The following BLVRB variants were observed in gnomAD, a reference collection of about 807,000 sequenced individuals.
BLVRB encodes biliverdin reductase B, also known as flavin reductase (NADPH).
A neutral mutation model predicts 21.1 loss-of-function variants in BLVRB; 25 were observed. That is an observed-to-expected ratio of 1.19 (90% CI 0.86 to 1.66). The LOEUF is 1.66. Ranked by LOEUF, BLVRB falls within the 40% of genes most tolerant of loss-of-function variation. The pLI, the probability that BLVRB is intolerant of heterozygous loss-of-function variation, is 0.00. For synonymous variants in BLVRB, 128 were observed against 122.2 expected (o/e 1.05, Z -0.31); for missense variants, 274 against 282.7 (o/e 0.97, Z 0.22).
In BLVRB at chr19:40,456,508, T is replaced by G. The variant is rs559473991; in HGVS notation, c.334+1647A>C. On this transcript the variant is annotated intron_variant, in intron 3 of 4. Transcript: ENST00000263368. Reference sequence around the variant, plus strand: ...AGAAAACAATCTAAACAAAAAAAAATGAGAAAAAAGAAAGCAAATTAAATC... The same window carrying G: ...AGAAAACAATCTAAACAAAAAAAAAGGAGAAAAAAGAAAGCAAATTAAATC... Among the ~76,000 whole-genome samples the G allele has an allele frequency of 2.7e-5, 4 of 150,528 alleles. No homozygotes were observed. In the South Asian group the frequency reaches 8.4e-4, roughly 32 times the overall value.
chr19:40,460,928 T>C (rs946428914), intron 1 of BLVRB, among the ~76,000 whole-genome samples: 7 of 152,170 alleles, frequency 4.6e-5, no homozygotes, highest in Non-Finnish European at 7.3e-5. Context: ...GCTGAGATTG[T>C]GCCATTGCAC....
intron 3 of BLVRB, among the ~76,000 whole-genome samples, chr19:40,452,374 G>A (rs1274717837): frequency 1.3e-5 from 2 of 152,116 alleles, no homozygotes; most frequent in East Asian, 1.9e-4. Context: ...GGACAGTGGC[G>A]TGAACACGGC....
At chr19:40,451,867 C>T (rs2079741683) in intron 3 of BLVRB, among the ~76,000 whole-genome samples, 1 of 152,158 alleles carries the variant, frequency 6.6e-6, no homozygotes, top group Admixed American at 6.5e-5. Flanking sequence ...GGACAAAACC[C>T]TGCCATGGCT....
Position 40,458,456 on chromosome 19 carries a change from GC to G in BLVRB, c.168del (p.Gln57ArgfsTer30), listed in dbSNP as rs748449923. On this transcript the variant is annotated frameshift_variant, in exon 2 of 5. Coordinates refer to ENST00000263368, the MANE Select transcript of BLVRB (RefSeq NM_000713.3). LOFTEE classifies it high-confidence loss of function. ...ACGGTCTTGTCCACATCGGCTGCCT[GC>G]AGAACATCTCCCACTACCACGTGGG... is the stretch of plus-strand genomic sequence containing the variant. ...RPAHVVVGDV[L>X]QAADVDKTVA... 8.1e-6 allele frequency: 13 copies of G among 1,601,894 alleles called. No homozygotes were observed. The highest frequency in any genetic ancestry group is 1.1e-5 in the Non-Finnish European group (13 of 1,174,970).
chr19:40,463,893 A>G (rs376112), intron 1 of BLVRB, among the ~76,000 whole-genome samples: 92,764 of 151,206 alleles, frequency 0.61, 30,317 homozygotes, highest in African/African-American at 0.84. Context: ...TCAGTCTGCC[A>G]AGTAACTGCG....
intron 3 of BLVRB, chr19:40,457,928 A>T (rs2079768706): frequency 1.9e-6 from 1 of 515,090 alleles, no homozygotes. Context: ...CAGTTTGATC[A>T]TGGATCTGTT....
Position 40,458,368 on chromosome 19 carries a change from G to T in BLVRB, c.244+13C>A, listed in dbSNP as rs199771756. The T allele has an allele frequency of 3.2e-6, 5 of 1,564,082 alleles. No individual in the cohort carries two copies. The highest frequency in any genetic ancestry group is 2.3e-5 in the East Asian group (1 of 42,646). On this transcript the variant is annotated intron_variant, in intron 2 of 4. Coordinates refer to ENST00000263368, the MANE Select transcript of BLVRB (RefSeq NM_000713.3). ...TGTAGGGGAGGGCCGTGGGCAGAGGGGGGGCTCAGTACTGAGGTCATTGCG... is the reference window on the plus strand; with the variant it reads ...TGTAGGGGAGGGCCGTGGGCAGAGGTGGGGCTCAGTACTGAGGTCATTGCG...
At chr19:40,457,212 G>A (rs1032807201) in intron 3 of BLVRB, among the ~76,000 whole-genome samples, 3 of 150,888 alleles carry the variant, frequency 2.0e-5, no homozygotes, top group South Asian at 2.1e-4. Context: ...AAGTTTACTC[G>A]TGTATTACTT....
chr19:40,460,244 C>CT (rs1457052102), intron 1 of BLVRB, among the ~76,000 whole-genome samples: 2 of 52,000 alleles, frequency 3.8e-5, no homozygotes, highest in Non-Finnish European at 6.8e-5. Flanking sequence ...ACTGTAATAG[C>CT]AACATATATA....
In BLVRB at chr19:40,448,048, T is replaced by G. The variant is rs1323643400; in HGVS notation, c.464-2A>C. 1 of 1,610,626 alleles carries G rather than the reference T, an allele frequency of 6.2e-7. No homozygotes were observed. The highest frequency in any genetic ancestry group is 1.7e-5 in the Admixed American group (1 of 59,948). ...ACGCCCCAGTTAGTGGCTGGTCTCC[T>G]ATGAAGTAAAGACAAGAGGGGCTGG... is the stretch of plus-strand genomic sequence containing the variant. On this transcript the variant is annotated splice_acceptor_variant, in intron 4 of 4. Coordinates refer to ENST00000263368, the MANE Select transcript of BLVRB (RefSeq NM_000713.3). LOFTEE classifies it high-confidence loss of function.
At chr19:40,458,657 T>C in intron 1 of BLVRB, 112 bp from the exon 2 acceptor site, 1 of 1,312,582 alleles carries the variant, frequency 7.6e-7, no homozygotes, top group South Asian at 1.6e-5. Context: ...TCCTCTGTTC[T>C]GGGGAAGTGG....
In BLVRB at chr19:40,465,695, G is replaced by A. The variant is rs1324480237; in HGVS notation, c.-7C>T. ...CGATCTTCTTGACGGCCATCGTACG[G>A]GATCGTGGGGGTGCAAGGCCTCAGA... On this transcript the variant is annotated 5_prime_UTR_variant, in exon 1 of 5. Coordinates refer to ENST00000263368, the MANE Select transcript of BLVRB (RefSeq NM_000713.3). 6.8e-6 allele frequency: 11 copies of A among 1,612,318 alleles called. No individual in the cohort carries two copies. The highest frequency in any genetic ancestry group is 9.3e-6 in the Non-Finnish European group (11 of 1,179,592).
At chr19:40,457,885 G>C (rs891570369) in intron 3 of BLVRB, 13 of 412,756 alleles carry the variant, frequency 3.1e-5, no homozygotes, top group Non-Finnish European at 5.0e-5. Context: ...CCCTCTGCCT[G>C]CCTCCCGATC....
intron 1 of BLVRB, 48 bp downstream of exon 1, chr19:40,465,562 G>A: frequency 6.4e-7 from 1 of 1,573,694 alleles, no homozygotes; most frequent in East Asian, 2.3e-5. Flanking sequence ...CCTTCCTAAA[G>A]TTCTGCCCGT....
chr19:40,453,084 T>A (rs2079747699), intron 3 of BLVRB, among the ~76,000 whole-genome samples: 1 of 152,004 alleles, frequency 6.6e-6, no homozygotes, highest in South Asian at 2.1e-4. Context: ...AAAAAAACAT[T>A]TTTTTTGTAG....
chr19:40,464,746 C>A (rs1051443395), intron 1 of BLVRB, among the ~76,000 whole-genome samples: 2 of 152,282 alleles, frequency 1.3e-5, no homozygotes, highest in South Asian at 4.1e-4. Flanking sequence ...CTTTCAGAGT[C>A]CCTCCAAGGG....
At chr19:40,459,280 A>G (rs1383664990) in intron 1 of BLVRB, among the ~76,000 whole-genome samples, 2 of 126,752 alleles carry the variant, frequency 1.6e-5, no homozygotes, top group African/African-American at 2.9e-5. Context: ...GTGAGCAGAG[A>G]TTGCACCAGT....
chr19:40,448,094 T>TGTAA, intron 4 of BLVRB, 48 bp from the exon 5 acceptor site: 1 of 1,573,992 alleles, frequency 6.4e-7, no homozygotes, highest in South Asian at 1.1e-5. Flanking sequence ...CACCTTTCCC[T>TGTAA]TCCCCCAAAA....
At chr19:40,451,559 A>C in intron 3 of BLVRB, 67 bp from the exon 4 acceptor site, 1 of 1,442,106 alleles carries the variant, frequency 6.9e-7, no homozygotes. Flanking sequence ...TTTGAGACAG[A>C]GTGTCGCTTT....
Sources: gnomAD v4.1 joint callset for allele counts (sites outside exome capture counted in the v4.1 genomes callset) on GRCh38, gnomAD v4.1.1 for gene constraint, MANE v1.5 for transcripts, NCBI Gene and HGNC (gene_info 2026-07-23, HGNC 2026-07-21) for gene names.